LIPH: variants seen among roughly 807,000 people sequenced by gnomAD.
The protein encoded by LIPH is lipase H, also known as lipase member H.
In LIPH, 32 loss-of-function variants were observed where a neutral mutation model predicts 47.6. That is an observed-to-expected ratio of 0.67 (90% CI 0.51 to 0.90). The LOEUF is 0.90. LIPH is among the 40% of genes least tolerant of loss of function. The pLI, the probability that LIPH is intolerant of heterozygous loss-of-function variation, is 0.00. For missense variants in LIPH, 497 were observed against 541.4 expected, an observed-to-expected ratio of 0.92 and a Z score of 0.81; for synonymous variants, 190 against 195.6, an observed-to-expected ratio of 0.97 and a Z score of 0.24.
intron 8 of LIPH, among the ~76,000 whole-genome samples, chr3:185,512,998 G>T (rs148401599): frequency 2.0e-5 from 3 of 152,148 alleles, no homozygotes; most frequent in Non-Finnish European, 2.9e-5. Flanking sequence ...GGCAGGAAAC[G>T]TGCAAAGTGA....
In LIPH at chr3:185,511,694, T is replaced by C. The variant is rs1719571262; in HGVS notation, c.1098A>G (p.Glu366=). The change falls in exon 9 of 10, where the codon GAA becomes GAG. Residue 366 remains glutamate, a synonymous_variant. Coordinates refer to ENST00000296252, the MANE Select transcript of LIPH (RefSeq NM_139248.3). ...GNTTESKINH[E]PTTFQKYHQV... is the part of the protein sequence containing the mutation. ...GGTGATATTTCTGAAATGTGGTGGG[T>C]TCACTGGAAGGAAGAAGTAATACTG... The C allele has an allele frequency of 6.2e-7, 1 of 1,609,894 alleles. No homozygotes were observed. The highest frequency in any genetic ancestry group is 1.3e-5 in the African/African-American group (1 of 74,818).
At chr3:185,546,115 G>A (rs187355111) in intron 1 of LIPH, among the ~76,000 whole-genome samples, 5 of 151,486 alleles carry the variant, frequency 3.3e-5, no homozygotes, top group South Asian at 2.1e-4. Flanking sequence ...GCAGTGAGTC[G>A]AGACCCAGCC....
chr3:185,531,421 C>T (rs1449203812), intron 3 of LIPH, among the ~76,000 whole-genome samples: 1 of 151,618 alleles, frequency 6.6e-6, no homozygotes, highest in African/African-American at 2.4e-5. Context: ...TGGTGCACGC[C>T]GGTAGTCCCA....
intron 7 of LIPH, among the ~76,000 whole-genome samples, chr3:185,516,760 T>G (rs899666498): frequency 6.6e-6 from 1 of 152,202 alleles, no homozygotes; most frequent in African/African-American, 2.4e-5. Flanking sequence ...CTAACAACTC[T>G]GATTTGTTGA....
chr3:185,518,636 A>G (rs536017656), intron 6 of LIPH, among the ~76,000 whole-genome samples: 1 of 152,192 alleles, frequency 6.6e-6, no homozygotes, highest in East Asian at 1.9e-4. Context: ...CAAAGAACAA[A>G]TTGGCTAGAA....
At chr3:185,517,780 C>T (rs374023094) in intron 6 of LIPH, among the ~76,000 whole-genome samples, 2 of 152,172 alleles carry the variant, frequency 1.3e-5, no homozygotes, top group African/African-American at 4.8e-5. Context: ...TTCTAAAGCA[C>T]AATCAAGGTT....
chr3:185,533,624 T>A lies in LIPH; in HGVS notation c.473A>T (p.His158Leu). The A allele has an allele frequency of 6.2e-7, 1 of 1,614,054 alleles. No homozygotes were observed. Among genetic ancestry groups the A allele is most frequent in the Non-Finnish European group, 8.5e-7 (1 of 1,179,948 alleles). Residue 158 changes from histidine to leucine, a missense_variant, in exon 3 of 10, where the codon CAC becomes CTC. Physicochemically the swap from His to Leu is moderately conservative, Grantham distance 99. Coordinates refer to ENST00000296252, the MANE Select transcript of LIPH (RefSeq NM_139248.3). ...CATCTCTCCAACAAACCCAGATATG[T>A]GGGCTCCTAGACTTACTCCGATCAT... ...IYMIGVSLGA[H>L]ISGFVGEMYD...
At chr3:185,528,734 C>T (rs181035867) in intron 3 of LIPH, among the ~76,000 whole-genome samples, 42 of 152,232 alleles carry the variant, frequency 2.8e-4, no homozygotes, top group Admixed American at 2.0e-3. Context: ...AGAATTAACC[C>T]GCTCTATAAA....
intron 1 of LIPH, chr3:185,546,987 G>A (rs767209368): frequency 2.8e-5 from 12 of 435,334 alleles, no homozygotes; most frequent in South Asian, 5.0e-5. Flanking sequence ...GAAAAAAGAA[G>A]ACAGAATTAT....
intron 9 of LIPH, among the ~76,000 whole-genome samples, chr3:185,510,910 T>C (rs1560154160): frequency 6.6e-6 from 1 of 152,202 alleles, no homozygotes; most frequent in Admixed American, 6.5e-5. Context: ...ACAAGCAGTG[T>C]GGTAGTTAGG....
intron 5 of LIPH, among the ~76,000 whole-genome samples, chr3:185,519,786 G>A (rs918136691): frequency 3.6e-5 from 5 of 137,424 alleles, no homozygotes; most frequent in African/African-American, 1.1e-4. Flanking sequence ...GCAGTGAGCC[G>A]AGATTGTGCC....
chr3:185,515,374 G>A (rs1452687553), intron 7 of LIPH, among the ~76,000 whole-genome samples: 1 of 151,922 alleles, frequency 6.6e-6, no homozygotes, highest in African/African-American at 2.4e-5. Flanking sequence ...ACAGTCCCAC[G>A]AAGGAATAAG....
At chr3:185,521,933 C>T (rs189479512) in intron 5 of LIPH, among the ~76,000 whole-genome samples, 1 of 152,184 alleles carries the variant, frequency 6.6e-6, no homozygotes, top group East Asian at 1.9e-4. Flanking sequence ...GGATTTTTTC[C>T]TAACTCAGCA....
intron 4 of LIPH, among the ~76,000 whole-genome samples, chr3:185,524,553 G>A (rs1346219985): frequency 6.6e-6 from 1 of 151,172 alleles, no homozygotes; most frequent in East Asian, 1.9e-4. Flanking sequence ...GGGTTCAAGC[G>A]ATTTTCCTGC....
intron 1 of LIPH, among the ~76,000 whole-genome samples, chr3:185,535,962 C>G (rs577052625): frequency 6.6e-6 from 1 of 152,266 alleles, no homozygotes; most frequent in South Asian, 2.1e-4. Flanking sequence ...AGCAGAAAGC[C>G]ATTCTTCCAA....
chr3:185,536,836 T>G (rs1239608976), intron 1 of LIPH, among the ~76,000 whole-genome samples: 1 of 152,236 alleles, frequency 6.6e-6, no homozygotes, highest in Admixed American at 6.5e-5. Context: ...GTAGGATTTC[T>G]GCTTTCATGA....
intron 1 of LIPH, among the ~76,000 whole-genome samples, chr3:185,535,570 C>A (rs1202487697): frequency 6.7e-6 from 1 of 150,236 alleles, no homozygotes; most frequent in Non-Finnish European, 1.5e-5. Context: ...CTGAGCCCAC[C>A]ACACCTGGCT....
At chr3:185,531,709 C>T (rs1720337545) in intron 3 of LIPH, among the ~76,000 whole-genome samples, 2 of 152,108 alleles carry the variant, frequency 1.3e-5, no homozygotes, top group Admixed American at 1.3e-4. Context: ...CATGAGATCC[C>T]ATCACTAAAT....
chr3:185,548,191 G>C (rs1002608945), intron 1 of LIPH, among the ~76,000 whole-genome samples: 42 of 152,132 alleles, frequency 2.8e-4, no homozygotes, highest in African/African-American at 1.0e-3. Flanking sequence ...CGAATCACCA[G>C]GTCAAGAGAT....
Sources: allele counts gnomAD v4.1 joint callset (sites outside exome capture counted in the v4.1 genomes callset), GRCh38; gene constraint gnomAD v4.1.1; transcripts MANE v1.5; gene names NCBI Gene and HGNC (gene_info 2026-07-23, HGNC 2026-07-21).